The following DNER variants were observed in gnomAD, a reference collection of about 807,000 sequenced individuals.
DNER encodes delta/notch like EGF repeat containing.
A neutral mutation model predicts 78.2 loss-of-function variants in DNER; 33 were observed. The ratio of observed to expected loss-of-function variants is 0.42; its 90% CI spans 0.32 to 0.56. The LOEUF (loss-of-function observed/expected upper bound fraction) is 0.56, where lower values mean the gene tolerates loss of function less well. DNER is among the 20% of genes least tolerant of loss of function. The pLI is 0.11. For missense variants in DNER, 918 were observed against 975.3 expected (o/e 0.94, Z 0.78); for synonymous variants, 417 against 384.8 (o/e 1.08, Z -0.98).
At chr2:229,502,130 G>A (rs1325660585) in intron 6 of DNER, among the ~76,000 whole-genome samples, 1 of 152,174 alleles carries the variant, frequency 6.6e-6, no homozygotes, top group Non-Finnish European at 1.5e-5. Flanking sequence ...ACTCAGGCAA[G>A]AGGGCAGTGG....
At chr2:229,391,845 A>T (rs1359021434) in intron 10 of DNER, among the ~76,000 whole-genome samples, 1 of 151,958 alleles carries the variant, frequency 6.6e-6, no homozygotes, top group Non-Finnish European at 1.5e-5. Context: ...GCCCAGCCAA[A>T]TTTTTTTTCA....
chr2:229,693,576 A>G (rs1422147188), intron 1 of DNER, among the ~76,000 whole-genome samples: 1 of 152,176 alleles, frequency 6.6e-6, no homozygotes, highest in Non-Finnish European at 1.5e-5. Flanking sequence ...TGGACAATGA[A>G]GTCCAGGCTG....
chr2:229,703,315 G>A (rs1699779118), intron 1 of DNER, among the ~76,000 whole-genome samples: 1 of 152,078 alleles, frequency 6.6e-6, no homozygotes. Flanking sequence ...TTCAACAAAT[G>A]TTTCTGAAAC....
At chr2:229,649,039 T>C (rs1229445643) in intron 1 of DNER, among the ~76,000 whole-genome samples, 1 of 152,218 alleles carries the variant, frequency 6.6e-6, no homozygotes, top group African/African-American at 2.4e-5. Context: ...CTGAAGTCAC[T>C]ACATTTAACA....
At chr2:229,587,233 A>C (rs764409) in intron 3 of DNER, 8,522 of 154,448 alleles carry the variant, frequency 0.055, 278 homozygotes, top group East Asian at 0.14. Context: ...CCAGGACGGC[A>C]GGGGTTTCAG....
chr2:229,698,031 G>A (rs895340695), intron 1 of DNER, among the ~76,000 whole-genome samples: 11 of 152,006 alleles, frequency 7.2e-5, no homozygotes, highest in African/African-American at 9.7e-5. Flanking sequence ...AAGGACCCCC[G>A]TATCTACAAA....
At chr2:229,626,657 G>A (rs1460356080) in intron 1 of DNER, among the ~76,000 whole-genome samples, 1 of 152,174 alleles carries the variant, frequency 6.6e-6, no homozygotes, top group Non-Finnish European at 1.5e-5. Context: ...CCCATATAAA[G>A]TAAATTAATA....
intron 10 of DNER, among the ~76,000 whole-genome samples, chr2:229,400,923 C>G (rs1024184114): frequency 3.9e-5 from 6 of 151,990 alleles, no homozygotes; most frequent in African/African-American, 1.4e-4. Flanking sequence ...AACACTACCT[C>G]AGCTAAGTGA....
chr2:229,652,129 G>A (rs77234998), intron 1 of DNER, among the ~76,000 whole-genome samples: 2,577 of 152,220 alleles, frequency 0.017, 68 homozygotes, highest in African/African-American at 0.059. Context: ...AAGAAAAAAG[G>A]AGCCCTGCCC....
intron 5 of DNER, among the ~76,000 whole-genome samples, chr2:229,539,265 G>A (rs1055169451): frequency 2.0e-5 from 3 of 152,170 alleles, no homozygotes; most frequent in Non-Finnish European, 2.9e-5. Context: ...GAAGTGATGG[G>A]TGAGTGAAGA....
chr2:229,510,066 A>G (rs1243242478), intron 6 of DNER, among the ~76,000 whole-genome samples: 2 of 152,152 alleles, frequency 1.3e-5, no homozygotes, highest in Non-Finnish European at 2.9e-5. Flanking sequence ...GGGAGGAAGT[A>G]TTGTCCAAGC....
intron 6 of DNER, among the ~76,000 whole-genome samples, chr2:229,485,513 A>G (rs907234199): frequency 2.6e-5 from 4 of 152,188 alleles, no homozygotes; most frequent in African/African-American, 9.7e-5. Flanking sequence ...AAGAGTGGCT[A>G]AGTTTGCCTG....
At chr2:229,697,896 G>A (rs958020420) in intron 1 of DNER, among the ~76,000 whole-genome samples, 2 of 152,152 alleles carry the variant, frequency 1.3e-5, no homozygotes, top group African/African-American at 2.4e-5. Context: ...GCATGTAGAA[G>A]TAGAAGAGCA....
At chr2:229,658,053 A>AATTC (rs1180775785) in intron 1 of DNER, among the ~76,000 whole-genome samples, 1 of 152,236 alleles carries the variant, frequency 6.6e-6, no homozygotes, top group East Asian at 1.9e-4. Flanking sequence ...AATGCTGCTG[A>AATTC]AGTCAAACAC....
intron 5 of DNER, among the ~76,000 whole-genome samples, chr2:229,516,618 T>A (rs936003925): frequency 2.0e-5 from 3 of 151,904 alleles, no homozygotes; most frequent in Admixed American, 6.6e-5. Flanking sequence ...ATATGCCATT[T>A]GTACATTAAT....
At chr2:229,554,745 G>T (rs1445780316) in intron 4 of DNER, among the ~76,000 whole-genome samples, 1 of 151,806 alleles carries the variant, frequency 6.6e-6, no homozygotes, top group African/African-American at 2.4e-5. Flanking sequence ...ACACACACCT[G>T]TAGCCCCAGC....
intron 1 of DNER, among the ~76,000 whole-genome samples, chr2:229,685,471 G>T (rs1051516901): frequency 1.5e-5 from 2 of 130,874 alleles, no homozygotes; most frequent in Non-Finnish European, 1.6e-5. Context: ...AAAACTAAAT[G>T]GAAAATGCAT....
chr2:229,436,193 A>G (rs907612556), intron 8 of DNER, among the ~76,000 whole-genome samples: 1 of 152,186 alleles, frequency 6.6e-6, no homozygotes, highest in Non-Finnish European at 1.5e-5. Flanking sequence ...AAGCGAGAAC[A>G]TGAAATATTT....
chr2:229,489,756 G>A (rs576288394), intron 6 of DNER, among the ~76,000 whole-genome samples: 1 of 152,266 alleles, frequency 6.6e-6, no homozygotes, highest in Non-Finnish European at 1.5e-5. Flanking sequence ...AGGAGAGCAG[G>A]CACAGTGCAG....
Sources: allele counts gnomAD v4.1 joint callset (sites outside exome capture counted in the v4.1 genomes callset), GRCh38; gene constraint gnomAD v4.1.1; transcripts MANE v1.5; gene names NCBI Gene and HGNC (gene_info 2026-07-23, HGNC 2026-07-21).